Variants in HENMT1 observed in about 807,000 individuals in gnomAD.
HENMT1 encodes small RNA 2'-O-methyltransferase.
In HENMT1, 27 loss-of-function variants were observed where a neutral mutation model predicts 31.1. That is an observed-to-expected ratio of 0.87 (90% confidence interval 0.64 to 1.20). The LOEUF (loss-of-function observed/expected upper bound fraction) is 1.20, where lower values mean the gene tolerates loss of function less well. Among genes scored for constraint, HENMT1 ranks in the 50% most tolerant of loss-of-function variants. HENMT1 has a pLI of 0.00. For missense variants in HENMT1, 438 were observed against 469.6 expected, an observed-to-expected ratio of 0.93 and a Z score of 0.62; for synonymous variants, 167 against 172.2, an observed-to-expected ratio of 0.97 and a Z score of 0.24.
In HENMT1 at chr1:108,659,982, G is replaced by T; in HGVS notation, c.-78-20C>A. 7.2e-7 allele frequency: 1 copy of T among 1,394,412 alleles called. No individual in the cohort carries two copies. The highest frequency in any genetic ancestry group is 9.5e-7 in the Non-Finnish European group (1 of 1,053,380). The allele number at this position is 1,394,412 out of a possible 1,614,324, so 86.4% of individuals were successfully genotyped here. The stretch of plus-strand genomic sequence containing the variant: ...ACTCAGCTGTAATAAATACAAAACC[G>T]TTTTTGTAAAGCGATACCTGAAAGA... On this transcript the variant is annotated intron_variant, in intron 1 of 7. Transcript: ENST00000651461.
Position 108,655,704 on chromosome 1 carries a change from G to A in HENMT1, c.151-6C>T, listed in dbSNP as rs763303415. ...CCACATCCCAGGTCTGCAACCTGTA[G>A]ATGAGACAGAATGTTATTTCAAAGA... On this transcript the variant is annotated splice_polypyrimidine_tract_variant and splice_region_variant and intron_variant, in intron 3 of 7. Transcript: ENST00000651461. 1 of 1,568,642 alleles carries A rather than the reference G, an allele frequency of 6.4e-7. No individual in the cohort carries two copies. Among genetic ancestry groups the A allele is most frequent in the Non-Finnish European group, 8.7e-7 (1 of 1,149,312 alleles).
At chr1:108,658,060 CAT>C (rs576053839) in intron 2 of HENMT1, among the ~76,000 whole-genome samples, 1,262 of 98,022 alleles carry the variant, frequency 0.013, 26 homozygotes, top group African/African-American at 0.049. Flanking sequence ...CACACACACA[CAT>C]ATATATGTAC....
In HENMT1 at chr1:108,661,082, G is replaced by GC; in HGVS notation, c.-199dup. On this transcript the variant is annotated 5_prime_UTR_variant, in exon 1 of 8. Coordinates refer to ENST00000651461, the MANE Select transcript of HENMT1 (RefSeq NM_001102592.2). ...CCGCCAGCGTCCTCAACTCAGCGCC[G>GC]CCCTGACGCCCGCGCACGCACGGCC... 1.3e-6 allele frequency: 1 copy of GC among 788,124 alleles called. No individual in the cohort carries two copies. Among genetic ancestry groups the GC allele is most frequent in the Non-Finnish European group, 1.5e-6 (1 of 650,088 alleles). 48.8% of individuals were successfully genotyped at this position (788,124 alleles called of 1,614,324 possible).
rs1377244756 is a variant in HENMT1, at chr1:108,658,078, C to CTT, written c.22-500_22-499insAA. On this transcript the variant is annotated intron_variant, in intron 2 of 7. Coordinates refer to ENST00000651461, the MANE Select transcript of HENMT1 (RefSeq NM_001102592.2). ...ACACACACATATATATGTACACACA[C>CTT]ACACACACACACACACATATATACA... 5.4e-3 allele frequency among the ~76,000 whole-genome samples: 628 copies of CTT among 117,158 alleles called. 12 individuals are homozygous for CTT. The highest frequency in any genetic ancestry group is 0.018 in the African/African-American group (607 of 33,558). 76.9% of individuals were successfully genotyped at this position (117,158 alleles called of 152,430 possible).
Position 108,648,662 on chromosome 1 carries a change from C to T in HENMT1, c.1086G>A (p.Met362Ile). Reference sequence around the variant, plus strand: ...GAATTGAGTCAGCAATGACTGATCTCATCATCTCTTCATTAGCACATAAGC... The same window carrying T: ...GAATTGAGTCAGCAATGACTGATCTTATCATCTCTTCATTAGCACATAAGC... ...LNRLCANEEM[M>I]RSVIADSIPL... The change falls in exon 8 of 8, where the codon ATG becomes ATA. Residue 362 changes from methionine (M) to isoleucine (I), a missense_variant. By Grantham distance (10) the Met-to-Ile change is conservative (BLOSUM62 1). Coordinates refer to ENST00000651461, the MANE Select transcript of HENMT1 (RefSeq NM_001102592.2). 1 of 1,614,202 alleles carries T rather than the reference C, an allele frequency of 6.2e-7. No homozygotes were observed. Among genetic ancestry groups the T allele is most frequent in the Non-Finnish European group, 8.5e-7 (1 of 1,180,028 alleles).
At chr1:108,649,764 T>C (rs368974609) in intron 7 of HENMT1, among the ~76,000 whole-genome samples, 1 of 152,372 alleles carries the variant, frequency 6.6e-6, no homozygotes, top group African/African-American at 2.4e-5. Flanking sequence ...TTTTTACTAC[T>C]GATAATCCTA....
intron 6 of HENMT1, among the ~76,000 whole-genome samples, chr1:108,650,634 G>C (rs3818572): frequency 0.43 from 65,066 of 152,068 alleles, 14,226 homozygotes; most frequent in East Asian, 0.62. Context: ...CAGGGTGTAG[G>C]GGTGGACAAG....
intron 2 of HENMT1, among the ~76,000 whole-genome samples, chr1:108,658,393 A>G (rs1658331653): frequency 6.6e-6 from 1 of 152,052 alleles, no homozygotes; most frequent in African/African-American, 2.4e-5. Flanking sequence ...TTGGCCTCCC[A>G]AAGTGCTGGG....
chr1:108,649,284 A>T (rs755830240), intron 7 of HENMT1: 10 of 519,404 alleles, frequency 1.9e-5, no homozygotes, highest in Non-Finnish European at 3.7e-5. Context: ...AGGGCAAAAA[A>T]AAATGAAAAA....
rs553749337 is a variant in HENMT1, at chr1:108,648,501, A to G, written c.*65T>C. 7.1e-5 allele frequency: 100 copies of G among 1,400,716 alleles called. No homozygotes were observed. The African/African-American group carries it at 1.3e-3, about 19-fold the overall frequency. 86.8% of individuals were successfully genotyped at this position (1,400,716 alleles called of 1,614,324 possible). On this transcript the variant is annotated 3_prime_UTR_variant, in exon 8 of 8. Transcript: ENST00000651461. The stretch of plus-strand genomic sequence containing the variant: ...TTACTTGAATTAGGATTACACAAAA[A>G]AAACTAAATTCTAAGTGAGCACAAC...
rs776282836 is a variant in HENMT1 at position 108,655,698 on chromosome 1, C to T, written c.151G>A (p.Val51Ile). ...NLVDQHEPKKVADLGCGDTSL... is the reference protein window; with the variant it reads ...NLVDQHEPKKIADLGCGDTSL... ...GTATCACCACATCCCAGGTCTGCAA[C>T]CTGTAGATGAGACAGAATGTTATTT... The change falls in exon 4 of 8, where the codon GTT (valine) becomes ATT (isoleucine). Residue 51 changes from valine to isoleucine, a missense_variant and splice_region_variant. Val to Ile is a conservative substitution (Grantham distance 29). Coordinates refer to ENST00000651461, the MANE Select transcript of HENMT1 (RefSeq NM_001102592.2). 1.1e-5 allele frequency: 18 copies of T among 1,584,912 alleles called. No individual in the cohort carries two copies. Among genetic ancestry groups the T allele is most frequent in the South Asian group, 2.3e-5 (2 of 87,520 alleles).
chr1:108,660,470 C>T (rs913965227), intron 1 of HENMT1, among the ~76,000 whole-genome samples: 4 of 151,900 alleles, frequency 2.6e-5, no homozygotes, highest in African/African-American at 9.7e-5. Context: ...AATGAAATTT[C>T]GAGGGGGAAA....
chr1:108,649,005 A>T lies in HENMT1; in HGVS notation c.757-14T>A. 6.4e-7 allele frequency: 1 copy of T among 1,554,712 alleles called. No homozygotes were observed. Among genetic ancestry groups the T allele is most frequent in the South Asian group, 1.2e-5 (1 of 82,700 alleles). Reference sequence around the variant, plus strand: ...GGTGGTAAAAACCTGAAGGGAAAAAACAAAACACTTACAAGTGTATAATAA... The same window carrying T: ...GGTGGTAAAAACCTGAAGGGAAAAATCAAAACACTTACAAGTGTATAATAA... On this transcript the variant is annotated splice_polypyrimidine_tract_variant and intron_variant, in intron 7 of 7. Transcript: ENST00000651461.
chr1:108,661,154 C>G (rs1416954515), upstream of HENMT1: 4 of 239,144 alleles, frequency 1.7e-5, no homozygotes, highest in African/African-American at 9.3e-5. Context: ...CCCGCACCCG[C>G]GCCTCGGCCT....
chr1:108,655,952 G>A (rs1192032786), intron 3 of HENMT1, among the ~76,000 whole-genome samples: 1 of 150,806 alleles, frequency 6.6e-6, no homozygotes, highest in Non-Finnish European at 1.5e-5. Context: ...AAAATAGAAA[G>A]GTCCATTCCT....
At chr1:108,658,467 A>G (rs989998358) in intron 2 of HENMT1, among the ~76,000 whole-genome samples, 1 of 152,054 alleles carries the variant, frequency 6.6e-6, no homozygotes, top group African/African-American at 2.4e-5. Context: ...GGATCTCACT[A>G]TGTCGCCCAG....
chr1:108,657,492 G>T lies in HENMT1; in HGVS notation c.109C>A (p.Gln37Lys), dbSNP rs1306058755. 1 of 1,609,536 alleles carries T rather than the reference G, an allele frequency of 6.2e-7. No homozygotes were observed. Among genetic ancestry groups the T allele is most frequent in the Admixed American group, 1.7e-5 (1 of 59,752 alleles). The stretch of plus-strand genomic sequence containing the variant: ...TGATCCACTAAATTTTTAACGAACT[G>T]GTACCGCTGTCTGTATAGTGGAGGT... ...FKPPLYRQRY[Q>K]FVKNLVDQHE... Residue 37 changes from glutamine (Q) to lysine (K), a missense_variant, in exon 3 of 8, where the codon CAG becomes AAG. Coordinates refer to ENST00000651461, the MANE Select transcript of HENMT1 (RefSeq NM_001102592.2).
chr1:108,652,387 C>T (rs945892749), intron 5 of HENMT1, among the ~76,000 whole-genome samples: 4 of 151,870 alleles, frequency 2.6e-5, no homozygotes, highest in African/African-American at 9.7e-5. Flanking sequence ...AAAAAATACA[C>T]GTAGAAAGTT....
rs550956391 is a variant in HENMT1, at chr1:108,654,567, T to C, written c.398+149A>G. On this transcript the variant is annotated intron_variant, in intron 5 of 7. Coordinates refer to ENST00000651461, the MANE Select transcript of HENMT1 (RefSeq NM_001102592.2). ...TACTTGAAATTTCTAAGTAAAATGT[T>C]GGAAAAGCAGAGTAAAAAGATATTC... 4.1e-6 allele frequency: 3 copies of C among 737,644 alleles called. No individual in the cohort carries two copies. The African/African-American group carries it at 5.3e-5, about 13-fold the overall frequency. 45.7% of individuals were successfully genotyped at this position (737,644 alleles called of 1,614,324 possible).
Sources: gnomAD v4.1 joint callset for allele counts (sites outside exome capture counted in the v4.1 genomes callset) on GRCh38, gnomAD v4.1.1 for gene constraint, MANE v1.5 for transcripts, NCBI Gene and HGNC (gene_info 2026-07-23, HGNC 2026-07-21) for gene names.